The following FGD6 variants were observed in gnomAD, a reference collection of about 807,000 sequenced individuals.
FGD6 encodes the protein FYVE, RhoGEF and PH domain-containing protein 6.
FGD6 carries 90 observed loss-of-function variants against 149.4 expected under a neutral mutation model. That is an observed-to-expected ratio of 0.60 (90% CI 0.51 to 0.72). The LOEUF is 0.72. Among genes scored for constraint, FGD6 ranks in the 30% least tolerant of loss-of-function variants. The probability of loss-of-function intolerance (pLI) is 0.00; values close to 1 mark genes in which losing one functional copy is unlikely to be tolerated. For synonymous variants in FGD6, 527 were observed against 584.0 expected (o/e 0.90, Z 1.41); for missense variants, 1,437 against 1,684.8 (o/e 0.85, Z 2.57).
chr12:95,211,452 C>T (rs1278870611), intron 1 of FGD6, among the ~76,000 whole-genome samples, 185 bp from the exon 2 acceptor site: 1 of 151,946 alleles, frequency 6.6e-6, no homozygotes, highest in Non-Finnish European at 1.5e-5. Flanking sequence ...CCATACATAG[C>T]TTTGGGTCTA....
In FGD6 at chr12:95,209,127, A is replaced by G. The variant is rs763629517; in HGVS notation, c.2157T>C (p.Ala719=). Residue 719 remains alanine, a synonymous_variant, in exon 2 of 21, where the codon GCT becomes GCC. Transcript: ENST00000343958. ...GQTSAANGLR[A]ESLDDQMLSR... ...AGAGCATTTGGTCATCCAAAGACTC[A>G]GCTCTCAGACCATTAGCTGCACTGG... 63 of 1,614,030 alleles carry G rather than the reference A, an allele frequency of 3.9e-5. No individual in the cohort carries two copies. Among genetic ancestry groups the G allele is most frequent in the Non-Finnish European group, 4.7e-5 (55 of 1,180,034 alleles).
chr12:95,144,376 A>C (rs950588445), intron 5 of FGD6, among the ~76,000 whole-genome samples: 6 of 152,046 alleles, frequency 3.9e-5, no homozygotes, highest in Admixed American at 3.9e-4. Flanking sequence ...GAGAGTATAT[A>C]TCCATGAAAC....
At chr12:95,126,751 A>C (rs1879358014) in intron 8 of FGD6, among the ~76,000 whole-genome samples, 1 of 151,432 alleles carries the variant, frequency 6.6e-6, no homozygotes, top group African/African-American at 2.4e-5. Flanking sequence ...AAAAAGAAAA[A>C]GAAAAAGAAA....
At chr12:95,192,631 T>C (rs1881623749) in intron 2 of FGD6, among the ~76,000 whole-genome samples, 1 of 151,984 alleles carries the variant, frequency 6.6e-6, no homozygotes, top group Non-Finnish European at 1.5e-5. Context: ...AGCAAACAAG[T>C]AGATAATATA....
At chr12:95,115,821 A>G (rs1878991726) in intron 8 of FGD6, among the ~76,000 whole-genome samples, 1 of 152,194 alleles carries the variant, frequency 6.6e-6, no homozygotes, top group African/African-American at 2.4e-5. Context: ...CACGCGCCCA[A>G]TTGCTGAAAC....
Position 95,155,957 on chromosome 12 carries a change from T to C in FGD6, c.2587-2964A>G, listed in dbSNP as rs578202197. ...AATCTCTGAACATAAATTGTGAAGA[T>C]TTCATGGACACTTATCACTTCCCCA... On this transcript the variant is annotated intron_variant, in intron 3 of 20. Coordinates refer to ENST00000343958, the MANE Select transcript of FGD6 (RefSeq NM_018351.4). Among the ~76,000 whole-genome samples, 8 of 152,332 alleles carry C rather than the reference T, an allele frequency of 5.3e-5. No homozygotes were observed. In the East Asian group the frequency reaches 1.3e-3, roughly 26 times the overall value.
At chr12:95,152,729 G>A (rs1272995126) in intron 5 of FGD6, 82 bp downstream of exon 5, 9 of 1,209,144 alleles carry the variant, frequency 7.4e-6, no homozygotes, top group Non-Finnish European at 1.1e-5. Context: ...CATTAAGTTA[G>A]TAATGCTGAA....
Position 95,190,588 on chromosome 12 carries a change from T to C in FGD6, c.2442-17844A>G, listed in dbSNP as rs376308341. Among the ~76,000 whole-genome samples the C allele has an allele frequency of 6.6e-4, 101 of 152,326 alleles. No individual in the cohort carries two copies. The East Asian group carries it at 9.8e-3, about 15-fold the overall frequency. Reference sequence around the variant, plus strand: ...ATTCCAGGGCTCGGAAAAAACTGTATTTTATTTAGGCCGTACCCATATGTT... The same window carrying C: ...ATTCCAGGGCTCGGAAAAAACTGTACTTTATTTAGGCCGTACCCATATGTT... On this transcript the variant is annotated intron_variant, in intron 2 of 20. Coordinates refer to ENST00000343958, the MANE Select transcript of FGD6 (RefSeq NM_018351.4).
At chr12:95,083,012 A>AAAAAT (rs68032073) in intron 20 of FGD6, among the ~76,000 whole-genome samples, 1 of 20,036 alleles carries the variant, frequency 5.0e-5, no homozygotes, top group Non-Finnish European at 8.3e-5. Context: ...AAAAAAAAAA[A>AAAAAT]ATATATATAT....
chr12:95,188,875 A>C (rs1167771407), intron 2 of FGD6, among the ~76,000 whole-genome samples: 1 of 152,096 alleles, frequency 6.6e-6, no homozygotes, highest in Non-Finnish European at 1.5e-5. Flanking sequence ...AGAGAAAGCT[A>C]TCCCCATCTG....
chr12:95,205,838 T>TTGCAGGCTCCCTGC (rs2056690002), intron 2 of FGD6, among the ~76,000 whole-genome samples: 1 of 152,164 alleles, frequency 6.6e-6, no homozygotes, highest in African/African-American at 2.4e-5. Context: ...CTCAAGCCTG[T>TTGCAGGCTCCCTGC]TGCAGGCTCC....
chr12:95,110,606 G>A (rs563549086), intron 9 of FGD6, among the ~76,000 whole-genome samples: 15 of 149,824 alleles, frequency 1.0e-4, no homozygotes, highest in African/African-American at 3.7e-4. Context: ...TCCACCCGCC[G>A]CAGCCTCCCA....
At chr12:95,125,315 TA>T (rs1295580934) in intron 8 of FGD6, among the ~76,000 whole-genome samples, 8 of 152,158 alleles carry the variant, frequency 5.3e-5, no homozygotes, top group African/African-American at 1.7e-4. Context: ...TCATATACCC[TA>T]AACACTTTCC....
chr12:95,136,856 G>T (rs1338090824), intron 7 of FGD6, among the ~76,000 whole-genome samples: 1 of 152,218 alleles, frequency 6.6e-6, no homozygotes, highest in African/African-American at 2.4e-5. Context: ...AAGTTGAAAA[G>T]AGTTCTGGGG....
intron 2 of FGD6, among the ~76,000 whole-genome samples, chr12:95,187,223 C>T (rs945716309): frequency 2.0e-5 from 3 of 150,846 alleles, no homozygotes; most frequent in East Asian, 3.9e-4. Flanking sequence ...CCCAACTACT[C>T]GGAAGGCTGA....
intron 8 of FGD6, among the ~76,000 whole-genome samples, chr12:95,114,771 T>A (rs1323234467): frequency 7.2e-5 from 11 of 152,208 alleles, no homozygotes; most frequent in Non-Finnish European, 1.0e-4. Flanking sequence ...CCATTACCTG[T>A]TAAATTAATA....
chr12:95,197,466 CA>C lies in FGD6; in HGVS notation c.2441+11376del, dbSNP rs1342020501. Reference sequence around the variant, plus strand: ...AAAAACAAACAAACAAAAAGAACCCCAAAAGGCTCCATAAAGTCTTCCTTCT... The same window carrying C: ...AAAAACAAACAAACAAAAAGAACCCCAAAGGCTCCATAAAGTCTTCCTTCT... On this transcript the variant is annotated intron_variant, in intron 2 of 20. Coordinates refer to ENST00000343958, the MANE Select transcript of FGD6 (RefSeq NM_018351.4). Among the ~76,000 whole-genome samples, 16 of 152,126 alleles carry C rather than the reference CA, an allele frequency of 1.1e-4. No individual in the cohort carries two copies. In the East Asian group the frequency reaches 3.1e-3, roughly 29 times the overall value.
intron 8 of FGD6, among the ~76,000 whole-genome samples, chr12:95,121,152 T>C (rs1475255822): frequency 6.6e-6 from 1 of 152,008 alleles, no homozygotes; most frequent in East Asian, 1.9e-4. Flanking sequence ...AATATTTTCA[T>C]TTACAGGCTG....
At chr12:95,180,121 G>A (rs113423873) in intron 2 of FGD6, among the ~76,000 whole-genome samples, 16 of 150,232 alleles carry the variant, frequency 1.1e-4, no homozygotes, top group African/African-American at 3.7e-4. Context: ...CAGTGGCATA[G>A]ATCATTCTCC....
Sources: allele counts gnomAD v4.1 joint callset (sites outside exome capture counted in the v4.1 genomes callset), GRCh38; gene constraint gnomAD v4.1.1; transcripts MANE v1.5; gene names NCBI Gene and HGNC (gene_info 2026-07-23, HGNC 2026-07-21).